The following ABLIM1 variants were observed in gnomAD, a reference collection of about 807,000 sequenced individuals.
ABLIM1 encodes actin-binding LIM protein 1.
Under a neutral mutation model 107.0 loss-of-function variants are expected in ABLIM1, and 40 were observed. The ratio of observed to expected loss-of-function variants is 0.37; its 90% CI spans 0.29 to 0.49. The LOEUF (loss-of-function observed/expected upper bound fraction) is 0.49, where lower values mean the gene tolerates loss of function less well. Ranked by LOEUF, ABLIM1 falls within the 20% of genes least tolerant of loss-of-function variation. The pLI is 0.97. For synonymous variants in ABLIM1, 357 were observed against 357.3 expected (o/e 1.00, Z 0.01); for missense variants, 857 against 1,008.5 (o/e 0.85, Z 2.04).
intron 4 of ABLIM1, among the ~76,000 whole-genome samples, chr10:114,558,342 T>C (rs2069089568): frequency 6.6e-6 from 1 of 152,194 alleles, no homozygotes; most frequent in Non-Finnish European, 1.5e-5. Flanking sequence ...CTATGTATGA[T>C]GGTGAGCACA....
intron 6 of ABLIM1, among the ~76,000 whole-genome samples, chr10:114,509,365 T>C (rs373847302): frequency 4.6e-5 from 7 of 152,218 alleles, no homozygotes; most frequent in Non-Finnish European, 2.9e-5. Context: ...GCAGTATTTG[T>C]TGAGGCAACC....
intron 1 of ABLIM1, among the ~76,000 whole-genome samples, chr10:114,615,877 A>G (rs190036518): frequency 2.4e-3 from 358 of 152,062 alleles, no homozygotes; most frequent in Middle Eastern, 0.014. Context: ...AACCCTGGCT[A>G]AGCTCTCTGA....
intron 6 of ABLIM1, among the ~76,000 whole-genome samples, chr10:114,524,939 C>T (rs1429396470): frequency 1.3e-5 from 2 of 152,240 alleles, no homozygotes; most frequent in South Asian, 2.1e-4. Context: ...CCTTGGACCC[C>T]GCCAGGCCTC....
At chr10:114,687,492 T>C (rs909687699), upstream of ABLIM1, among the ~76,000 whole-genome samples, 2 of 152,246 alleles carry the variant, frequency 1.3e-5, no homozygotes, top group African/African-American at 2.4e-5. Flanking sequence ...TAGGCCAACA[T>C]GTTTGGCTCT....
chr10:114,543,170 C>T (rs1041197512), intron 6 of ABLIM1, among the ~76,000 whole-genome samples: 5 of 152,182 alleles, frequency 3.3e-5, no homozygotes, highest in African/African-American at 7.2e-5. Context: ...CTGAAATGCA[C>T]GTACTATAAA....
At chr10:114,517,911 G>A (rs991209843) in intron 6 of ABLIM1, among the ~76,000 whole-genome samples, 1 of 152,116 alleles carries the variant, frequency 6.6e-6, no homozygotes, top group Non-Finnish European at 1.5e-5. Context: ...AGACACATGG[G>A]ACCATGTGAG....
At position 114,644,280 on chromosome 10, in the gene ABLIM1, C is replaced by CAAAAA. The variant is rs1170954656; in HGVS notation, c.244+13672_244+13676dup. Among the ~76,000 whole-genome samples, 100 of 18,640 alleles carry CAAAAA rather than the reference C, an allele frequency of 5.4e-3. 10 individuals are homozygous for CAAAAA. Among genetic ancestry groups the CAAAAA allele is most frequent in the East Asian group, 0.01 (8 of 782 alleles). 12.2% of individuals were successfully genotyped at this position (18,640 alleles called of 152,430 possible). ...TGGGTGACAGAGTGAGACTCCATCT[C>CAAAAA]AAAAAAAAAAAAAAAAAAAAAAAAA... On this transcript the variant is annotated intron_variant, in intron 1 of 22. Coordinates refer to ENST00000533213, the MANE Select transcript of ABLIM1 (RefSeq NM_002313.7).
At position 114,473,989 on chromosome 10, in the gene ABLIM1, G is replaced by T. The variant is rs1010492883; in HGVS notation, c.1042-33C>A. 4.5e-6 allele frequency: 7 copies of T among 1,557,604 alleles called. No individual in the cohort carries two copies. The Middle Eastern group carries it at 6.7e-4, about 149-fold the overall frequency. On this transcript the variant is annotated intron_variant, in intron 8 of 22. Transcript: ENST00000533213. ...ATAAACAGTGACTTGTAAGACTTCG[G>T]ACCCTGGCTTCAGAATCTAGACTGT...
At chr10:114,459,481 T>C (rs1051981961) in intron 12 of ABLIM1, among the ~76,000 whole-genome samples, 2 of 152,234 alleles carry the variant, frequency 1.3e-5, no homozygotes, top group African/African-American at 2.4e-5. Context: ...CGTAATTCCT[T>C]GGAGAATCCA....
intron 1 of ABLIM1, among the ~76,000 whole-genome samples, chr10:114,728,516 T>TAAAAA (rs10628347): frequency 1.1e-5 from 1 of 90,664 alleles, no homozygotes; most frequent in Non-Finnish European, 2.0e-5. Context: ...GATAAGGCAG[T>TAAAAA]AAAAAAAAAA....
the ABLIM1 span, among the ~76,000 whole-genome samples, chr10:114,781,155 T>A: frequency 6.6e-6 from 1 of 152,170 alleles, no homozygotes; most frequent in Non-Finnish European, 1.5e-5. Flanking sequence ...ATTGTTTGTG[T>A]GTACTCTTCT....
At chr10:114,567,929 G>A (rs533331039) in intron 4 of ABLIM1, among the ~76,000 whole-genome samples, 6 of 152,024 alleles carry the variant, frequency 3.9e-5, no homozygotes, top group Non-Finnish European at 8.8e-5. Context: ...GGTGGCTCAC[G>A]CCTGTAATCC....
At chr10:114,790,890 C>T in the ABLIM1 span, among the ~76,000 whole-genome samples, 1 of 152,100 alleles carries the variant, frequency 6.6e-6, no homozygotes, top group Admixed American at 6.6e-5. Flanking sequence ...CAAGGACACA[C>T]AAATGCCCTA....
At chr10:114,439,737 G>A in intron 20 of ABLIM1, 1 of 371,382 alleles carries the variant, frequency 2.7e-6, no homozygotes, top group South Asian at 3.8e-5. Flanking sequence ...GCAGGAAAAG[G>A]GTGGCCTAAA....
chr10:114,516,727 A>G (rs2062875624), intron 6 of ABLIM1, among the ~76,000 whole-genome samples: 1 of 152,240 alleles, frequency 6.6e-6, no homozygotes, highest in Non-Finnish European at 1.5e-5. Context: ...GATTCAGTCA[A>G]CCTTGGAAAC....
chr10:114,776,643 C>T, the ABLIM1 span, among the ~76,000 whole-genome samples: 1 of 152,092 alleles, frequency 6.6e-6, no homozygotes, highest in Non-Finnish European at 1.5e-5. Flanking sequence ...TTTTATAATA[C>T]AGTCACGTTC....
intron 1 of ABLIM1, among the ~76,000 whole-genome samples, chr10:114,704,302 C>CTCTCTATATATATATATATATATATA (rs1380460034): frequency 2.3e-5 from 1 of 43,086 alleles, no homozygotes; most frequent in Non-Finnish European, 4.7e-5. Context: ...CTCTCTCTCT[C>CTCTCTATATATATATATATATATATA]TATATATATA....
chr10:114,649,904 G>A (rs1219844448), intron 1 of ABLIM1, among the ~76,000 whole-genome samples: 1 of 151,240 alleles, frequency 6.6e-6, no homozygotes, highest in Non-Finnish European at 1.5e-5. Flanking sequence ...TGTCCAGGCT[G>A]GAGTGCAGTA....
At chr10:114,665,351 GATACT>G (rs1337955721) in intron 1 of ABLIM1, among the ~76,000 whole-genome samples, 1 of 152,196 alleles carries the variant, frequency 6.6e-6, no homozygotes, top group Non-Finnish European at 1.5e-5. Flanking sequence ...GGATTGTGAA[GATACT>G]GGTGTTCCAT....
Sources: gnomAD v4.1 joint callset for allele counts (sites outside exome capture counted in the v4.1 genomes callset) on GRCh38, gnomAD v4.1.1 for gene constraint, MANE v1.5 for transcripts, NCBI Gene and HGNC (gene_info 2026-07-23, HGNC 2026-07-21) for gene names.